STEAP4: variants seen among roughly 807,000 people sequenced by gnomAD.
STEAP4 encodes the protein STEAP4 metalloreductase, also known as metalloreductase STEAP4.
Under a neutral mutation model 43.6 loss-of-function variants are expected in STEAP4, and 36 were observed. That is an observed-to-expected ratio of 0.83 (90% confidence interval 0.63 to 1.09). STEAP4 has a LOEUF of 1.09. Ranked by LOEUF, STEAP4 falls within the 50% of genes least tolerant of loss-of-function variation. The probability of loss-of-function intolerance (pLI) is 0.00; values close to 1 mark genes in which losing one functional copy is unlikely to be tolerated. For synonymous variants in STEAP4, 191 were observed against 196.7 expected, an observed-to-expected ratio of 0.97 and a Z score of 0.24; for missense variants, 495 against 546.5, an observed-to-expected ratio of 0.91 and a Z score of 0.94.
chr7:88,300,599 C>A (rs531292746), intron 1 of STEAP4, among the ~76,000 whole-genome samples: 1 of 152,300 alleles, frequency 6.6e-6, no homozygotes, highest in African/African-American at 2.4e-5. Context: ...GGCCAGCTTG[C>A]CAGCTGGGAG....
At chr7:88,300,692 G>A (rs1488306209) in intron 1 of STEAP4, among the ~76,000 whole-genome samples, 1 of 151,990 alleles carries the variant, frequency 6.6e-6, no homozygotes, top group Non-Finnish European at 1.5e-5. Context: ...TCCTTAGAGA[G>A]GCATTTACCA....
intron 1 of STEAP4, among the ~76,000 whole-genome samples, chr7:88,299,878 TC>T (rs1260333658): frequency 6.6e-6 from 1 of 152,210 alleles, no homozygotes; most frequent in Middle Eastern, 3.2e-3. Flanking sequence ...TTAAGGTATC[TC>T]CCAACCATTT....
In STEAP4 at chr7:88,273,309, TG is replaced by T. The variant is rs1013635513; in HGVS notation, c.*6088del. 6.6e-6 allele frequency: 1 copy of T among 152,204 alleles called. No individual in the cohort carries two copies. The highest frequency in any genetic ancestry group is 6.5e-5 in the Admixed American group (1 of 15,276). The allele number at this position is 152,204 out of a possible 1,614,324, so 9.4% of individuals were successfully genotyped here. A position where few individuals can be genotyped will look rare whatever the true frequency, so the allele number is the denominator to read the frequency against. On this transcript the variant is annotated 3_prime_UTR_variant, in exon 5 of 5. Coordinates refer to ENST00000380079, the MANE Select transcript of STEAP4 (RefSeq NM_024636.4). ...ATTAGTAAAAATGAAATGAATACAC[TG>T]GGTGGGCTCCTTCAAAATCTGTTGA...
chr7:88,288,197 T>A (rs565205897), intron 1 of STEAP4, among the ~76,000 whole-genome samples: 1 of 152,210 alleles, frequency 6.6e-6, no homozygotes, highest in East Asian at 1.9e-4. Flanking sequence ...TGAGACAGAG[T>A]TTCGTTCTCG....
rs1007467879 is a variant in STEAP4 at position 88,279,389 on chromosome 7, A to G, written c.*9T>C. Reference sequence around the variant, plus strand: ...GTTTTAAATATTGATTTTCCATTCAATGCTTTTTCTAGTGTTTTGAGTTCC... The same window carrying G: ...GTTTTAAATATTGATTTTCCATTCAGTGCTTTTTCTAGTGTTTTGAGTTCC... On this transcript the variant is annotated 3_prime_UTR_variant, in exon 5 of 5. Coordinates refer to ENST00000380079, the MANE Select transcript of STEAP4 (RefSeq NM_024636.4). The G allele has an allele frequency of 3.7e-6, 6 of 1,610,918 alleles. No individual in the cohort carries two copies. In the African/African-American group the frequency reaches 5.3e-5, roughly 14 times the overall value.
chr7:88,284,568 A>G lies in STEAP4; in HGVS notation c.-2-297T>C, dbSNP rs551242073. On this transcript the variant is annotated intron_variant, in intron 1 of 4. Transcript: ENST00000380079. ...AAAATCTGACAAAAAATATGCTCCA[A>G]TAAATTATAGATAAATTCACTTGTT... 4.6e-5 allele frequency among the ~76,000 whole-genome samples: 7 copies of G among 152,304 alleles called. No homozygotes were observed. The East Asian group carries it at 1.3e-3, about 29-fold the overall frequency.
At position 88,284,091 on chromosome 7, in the gene STEAP4, C is replaced by G; in HGVS notation, c.179G>C (p.Ser60Thr). Reference sequence around the variant, plus strand: ...TGAATAGCTCAAGACTTCTGCACCACTGGGCAGTAGGGTGGTCTTCTGGGG... The same window carrying G: ...TGAATAGCTCAAGACTTCTGCACCAGTGGGCAGTAGGGTGGTCTTCTGGGG... ...RNPQKTTLLP[S>T]GAEVLSYSEA... The change falls in exon 2 of 5, where the codon AGT (serine) becomes ACT (threonine). Residue 60 changes from serine (S) to threonine (T), a missense_variant. Coordinates refer to ENST00000380079, the MANE Select transcript of STEAP4 (RefSeq NM_024636.4). 2 of 1,614,146 alleles carry G rather than the reference C, an allele frequency of 1.2e-6. No individual in the cohort carries two copies. The highest frequency in any genetic ancestry group is 1.7e-6 in the Non-Finnish European group (2 of 1,180,020).
Position 88,277,691 on chromosome 7 carries a change from C to T in STEAP4, c.*1707G>A, listed in dbSNP as rs1311249395. Reference sequence around the variant, plus strand: ...CCTGACCAATGTGGTGAAACCCTGTCTCTACTAAAAGTACAAAAATTAGCT... The same window carrying T: ...CCTGACCAATGTGGTGAAACCCTGTTTCTACTAAAAGTACAAAAATTAGCT... On this transcript the variant is annotated 3_prime_UTR_variant, in exon 5 of 5. Transcript: ENST00000380079. The T allele has an allele frequency of 6.6e-6, 1 of 152,114 alleles. No homozygotes were observed. Among genetic ancestry groups the T allele is most frequent in the African/African-American group, 2.4e-5 (1 of 41,420 alleles). The allele number at this position is 152,114 out of a possible 1,614,324, so 9.4% of individuals were successfully genotyped here.
At position 88,280,935 on chromosome 7, in the gene STEAP4, T is replaced by TCC; in HGVS notation, c.1127_1128dup (p.Arg377GlyfsTer14). On this transcript the variant is annotated frameshift_variant, in exon 4 of 5. Transcript: ENST00000380079. LOFTEE classifies it high-confidence loss of function. ...CTTACCTGGACAAATCGGAACTCTC[T>TCC]CCAGTTGACTGCATTGCTAACAGAT... 1 of 1,609,964 alleles carries TCC rather than the reference T, an allele frequency of 6.2e-7. No individual in the cohort carries two copies. Among genetic ancestry groups the TCC allele is most frequent in the Non-Finnish European group, 8.5e-7 (1 of 1,178,482 alleles).
intron 1 of STEAP4, among the ~76,000 whole-genome samples, chr7:88,304,934 C>T (rs1056223383): frequency 1.3e-5 from 2 of 152,032 alleles, no homozygotes; most frequent in Non-Finnish European, 2.9e-5. Flanking sequence ...GTGACCACTC[C>T]AAGTTTCTTT....
rs1852610702 is a variant in STEAP4, at chr7:88,281,040, C to G, written c.1024G>C (p.Ala342Pro). 6.2e-7 allele frequency: 1 copy of G among 1,611,164 alleles called. No individual in the cohort carries two copies. Among genetic ancestry groups the G allele is most frequent in the Non-Finnish European group, 8.5e-7 (1 of 1,179,042 alleles). Residue 342 changes from alanine (A) to proline (P), a missense_variant, in exon 4 of 5, where the codon GCC (alanine) becomes CCC (proline). Physicochemically the swap from Ala to Pro is conservative, Grantham distance 27. Transcript: ENST00000380079. The stretch of plus-strand genomic sequence containing the variant: ...GCCACATATGAATCACTGAGCCAGG[C>G]TGAGGAGGTGCTAAATGGATTCTCC... ...KKENPFSTSS[A>P]WLSDSYVALG...
intron 1 of STEAP4, among the ~76,000 whole-genome samples, chr7:88,300,913 C>A (rs1853021826): frequency 6.6e-6 from 1 of 152,182 alleles, no homozygotes; most frequent in Non-Finnish European, 1.5e-5. Context: ...GGTTTCCCTA[C>A]CCCAACAAAG....
At chr7:88,298,111 A>C (rs1295972377) in intron 1 of STEAP4, among the ~76,000 whole-genome samples, 2 of 152,094 alleles carry the variant, frequency 1.3e-5, no homozygotes, top group African/African-American at 4.8e-5. Flanking sequence ...AAAAAATCTT[A>C]AGTTGAACCA....
rs773090076 is a variant in STEAP4 at position 88,284,242 on chromosome 7, G to C, written c.28C>G (p.Pro10Ala). 1.4e-5 allele frequency: 22 copies of C among 1,601,888 alleles called. No homozygotes were observed. The South Asian group carries it at 2.4e-4, about 18-fold the overall frequency. Residue 10 changes from proline to alanine, a missense_variant, in exon 2 of 5, where the codon CCT becomes GCT. Coordinates refer to ENST00000380079, the MANE Select transcript of STEAP4 (RefSeq NM_024636.4). ...TTTTCTGAAGAATTCATAGTAAGAGGAAGTGCATCTATACAAGTTTTCTCC... is the reference window on the plus strand; with the variant it reads ...TTTTCTGAAGAATTCATAGTAAGAGCAAGTGCATCTATACAAGTTTTCTCC... Reference protein sequence around the residue: MEKTCIDALPLTMNSSEKQE... With the variant: MEKTCIDALALTMNSSEKQE...
intron 1 of STEAP4, among the ~76,000 whole-genome samples, chr7:88,287,495 C>G (rs1313474872): frequency 1.3e-5 from 2 of 152,168 alleles, no homozygotes; most frequent in Non-Finnish European, 2.9e-5. Flanking sequence ...GTATGGGAGA[C>G]ACGAGTATTA....
At chr7:88,288,831 A>T (rs1852785850) in intron 1 of STEAP4, among the ~76,000 whole-genome samples, 1 of 152,176 alleles carries the variant, frequency 6.6e-6, no homozygotes, top group African/African-American at 2.4e-5. Flanking sequence ...AAAACTAAAA[A>T]AAAATGCAAG....
At chr7:88,303,310 A>C (rs1371585570) in intron 1 of STEAP4, among the ~76,000 whole-genome samples, 1 of 151,876 alleles carries the variant, frequency 6.6e-6, no homozygotes, top group Non-Finnish European at 1.5e-5. Context: ...AGCCTGGCCA[A>C]CACGGCGAAA....
intron 1 of STEAP4, among the ~76,000 whole-genome samples, chr7:88,297,177 G>A (rs926711059): frequency 3.3e-5 from 5 of 152,022 alleles, no homozygotes; most frequent in African/African-American, 1.2e-4. Flanking sequence ...ATAGGTTGAG[G>A]GTAAAGAGGT....
intron 1 of STEAP4, among the ~76,000 whole-genome samples, chr7:88,300,902 T>C (rs1461098691): frequency 6.6e-6 from 1 of 152,190 alleles, no homozygotes; most frequent in Non-Finnish European, 1.5e-5. Flanking sequence ...AGAATCCTTG[T>C]GGTTTCCCTA....
Sources: gnomAD v4.1 joint callset for allele counts (sites outside exome capture counted in the v4.1 genomes callset) on GRCh38, gnomAD v4.1.1 for gene constraint, MANE v1.5 for transcripts, NCBI Gene and HGNC (gene_info 2026-07-23, HGNC 2026-07-21) for gene names.